The following TNR variants were observed in gnomAD, a reference collection of about 807,000 sequenced individuals.
The protein encoded by TNR is tenascin-R.
Under a neutral mutation model 150.4 loss-of-function variants are expected in TNR, and 45 were observed. The ratio of observed to expected loss-of-function variants is 0.30; its 90% confidence interval spans 0.24 to 0.38. The LOEUF (loss-of-function observed/expected upper bound fraction) is 0.38, where lower values mean the gene tolerates loss of function less well. Ranked by LOEUF, TNR falls within the 10% of genes least tolerant of loss-of-function variation. The pLI, the probability that TNR is intolerant of heterozygous loss-of-function variation, is 1.00. For synonymous variants in TNR, 687 were observed against 678.4 expected (o/e 1.01, Z -0.20); for missense variants, 1,544 against 1,759.1 (o/e 0.88, Z 2.19).
At chr1:175,371,831 T>G (rs957808867) in intron 9 of TNR, among the ~76,000 whole-genome samples, 2 of 152,206 alleles carry the variant, frequency 1.3e-5, no homozygotes, top group East Asian at 3.9e-4. Context: ...GATAGCATGG[T>G]TCCCATCCCT....
chr1:175,676,039 GGAA>G (rs547243314), intron 1 of TNR, among the ~76,000 whole-genome samples: 8 of 152,166 alleles, frequency 5.3e-5, no homozygotes, highest in Non-Finnish European at 1.0e-4. Flanking sequence ...TAACTGCTGG[GGAA>G]GAAGAACTAT....
chr1:175,496,382 A>T (rs1165969126), intron 2 of TNR, among the ~76,000 whole-genome samples: 1 of 152,166 alleles, frequency 6.6e-6, no homozygotes, highest in Non-Finnish European at 1.5e-5. Context: ...AGCTCAGCGC[A>T]CACATGGCTC....
intron 1 of TNR, among the ~76,000 whole-genome samples, chr1:175,588,532 A>G (rs1317130117): frequency 6.6e-6 from 1 of 151,952 alleles, no homozygotes; most frequent in Admixed American, 6.5e-5. Context: ...TTTTTTTTCT[A>G]AGCAGTGAAA....
At chr1:175,507,596 A>G (rs1479355399) in intron 2 of TNR, among the ~76,000 whole-genome samples, 1 of 150,846 alleles carries the variant, frequency 6.6e-6, no homozygotes, top group Non-Finnish European at 1.5e-5. Context: ...TCAGGCCTAT[A>G]TAGCCTCAAC....
At chr1:175,624,545 C>T (rs935108473) in intron 1 of TNR, among the ~76,000 whole-genome samples, 2 of 152,040 alleles carry the variant, frequency 1.3e-5, no homozygotes, top group African/African-American at 4.8e-5. Flanking sequence ...CAAAAGCAAG[C>T]CAAGAAATGC....
intron 2 of TNR, among the ~76,000 whole-genome samples, chr1:175,424,435 G>A (rs574060863): frequency 6.6e-6 from 1 of 152,386 alleles, no homozygotes; most frequent in African/African-American, 2.4e-5. Flanking sequence ...GCCTTGGTAA[G>A]TGTTGACGAG....
At chr1:175,404,127 C>G (rs191058386) in intron 3 of TNR, among the ~76,000 whole-genome samples, 22 of 152,208 alleles carry the variant, frequency 1.4e-4, no homozygotes, top group Admixed American at 6.5e-4. Flanking sequence ...TGCGAATCCC[C>G]CAGCCCCTCA....
chr1:175,399,431 T>A (rs562690275), intron 4 of TNR, among the ~76,000 whole-genome samples: 7 of 152,338 alleles, frequency 4.6e-5, no homozygotes, highest in Admixed American at 1.3e-4. Context: ...TTTAAAAAAA[T>A]CTTGGCAACT....
At chr1:175,408,700 T>G (rs1231584175) in intron 2 of TNR, among the ~76,000 whole-genome samples, 3 of 152,186 alleles carry the variant, frequency 2.0e-5, no homozygotes, top group African/African-American at 4.8e-5. Context: ...GGTACTTATC[T>G]TACAAGGTTG....
intron 2 of TNR, among the ~76,000 whole-genome samples, chr1:175,418,036 C>T (rs146035913): frequency 2.7e-5 from 4 of 147,728 alleles, no homozygotes; most frequent in Middle Eastern, 3.2e-3. Context: ...GTGAATTATA[C>T]CTTCTAGTGC....
At chr1:175,562,350 C>T (rs1317489952) in intron 1 of TNR, among the ~76,000 whole-genome samples, 1 of 152,180 alleles carries the variant, frequency 6.6e-6, no homozygotes, top group African/African-American at 2.4e-5. Flanking sequence ...CATTTATATG[C>T]CCAAGTGCCT....
chr1:175,467,658 C>A (rs1180183284), intron 2 of TNR, among the ~76,000 whole-genome samples: 1 of 152,120 alleles, frequency 6.6e-6, no homozygotes, highest in African/African-American at 2.4e-5. Context: ...GACATGCTGA[C>A]TACTAGTGAT....
intron 1 of TNR, among the ~76,000 whole-genome samples, chr1:175,567,379 T>A (rs1325589602): frequency 1.3e-5 from 2 of 152,114 alleles, no homozygotes; most frequent in African/African-American, 4.8e-5. Context: ...AAGTTCAACC[T>A]AGACAGAAAC....
chr1:175,720,975 C>A (rs190436701), intron 1 of TNR, among the ~76,000 whole-genome samples: 1 of 152,184 alleles, frequency 6.6e-6, no homozygotes, highest in African/African-American at 2.4e-5. Context: ...CTTGCCCAAC[C>A]CTCTCATTTT....
chr1:175,331,720 T>C (rs955496220), intron 20 of TNR, among the ~76,000 whole-genome samples: 3 of 152,064 alleles, frequency 2.0e-5, no homozygotes, highest in African/African-American at 7.3e-5. Context: ...TGAACTAGAG[T>C]CCCCTTGCTT....
chr1:175,450,434 C>T (rs1656249670), intron 2 of TNR, among the ~76,000 whole-genome samples: 1 of 152,212 alleles, frequency 6.6e-6, no homozygotes. Context: ...ACCACCTCCT[C>T]CAGGGAGACC....
At chr1:175,572,666 A>G (rs1422350575) in intron 1 of TNR, among the ~76,000 whole-genome samples, 1 of 152,096 alleles carries the variant, frequency 6.6e-6, no homozygotes, top group East Asian at 1.9e-4. Context: ...TACATATACC[A>G]TAATATAATT....
intron 1 of TNR, among the ~76,000 whole-genome samples, chr1:175,720,262 C>T (rs1477872715): frequency 6.6e-6 from 1 of 152,096 alleles, no homozygotes; most frequent in Non-Finnish European, 1.5e-5. Flanking sequence ...CTTGTGCTCT[C>T]TCTCTCTCTC....
At chr1:175,568,408 C>T (rs1233545103) in intron 1 of TNR, among the ~76,000 whole-genome samples, 4 of 152,142 alleles carry the variant, frequency 2.6e-5, no homozygotes, top group East Asian at 3.9e-4. Context: ...GGGCATTCCT[C>T]GGCAATCAAT....
Sources: gnomAD v4.1 joint callset for allele counts (sites outside exome capture counted in the v4.1 genomes callset) on GRCh38, gnomAD v4.1.1 for gene constraint, MANE v1.5 for transcripts, NCBI Gene and HGNC (gene_info 2026-07-23, HGNC 2026-07-21) for gene names.